The following VPS13D variants were observed in gnomAD, a reference collection of about 807,000 sequenced individuals.
VPS13D encodes the protein intermembrane lipid transfer protein VPS13D.
In VPS13D, 187 loss-of-function variants were observed where a neutral mutation model predicts 461.9. That is an observed-to-expected ratio of 0.40 (90% CI 0.36 to 0.46). VPS13D has a LOEUF of 0.46. Ranked by LOEUF, VPS13D falls within the 20% of genes least tolerant of loss-of-function variation. The pLI, the probability that VPS13D is intolerant of heterozygous loss-of-function variation, is 0.60. For missense variants in VPS13D, 4,711 were observed against 5,364.9 expected, an observed-to-expected ratio of 0.88 and a Z score of 3.81; for synonymous variants, 1,951 against 1,986.3, an observed-to-expected ratio of 0.98 and a Z score of 0.47.
chr1:12,362,896 C>G (rs771987098), intron 51 of VPS13D, 46 bp downstream of exon 51: 71 of 1,611,634 alleles, frequency 4.4e-5, no homozygotes, highest in East Asian at 1.1e-4. Flanking sequence ...TTTAATAGCA[C>G]GAGTTTTAAT....
chr1:12,403,689 C>T, intron 62 of VPS13D, 136 bp from the exon 63 acceptor site: 1 of 770,098 alleles, frequency 1.3e-6, no homozygotes. Flanking sequence ...GTCACTGTAC[C>T]CTCACAAACT....
intron 8 of VPS13D, among the ~76,000 whole-genome samples, 187 bp downstream of exon 8, chr1:12,256,690 G>GTT (rs372902457): frequency 0.039 from 4,794 of 122,920 alleles, 183 homozygotes; most frequent in African/African-American, 0.094. Context: ...TCTCAGGTTA[G>GTT]TTTTTTTTTT....
intron 63 of VPS13D, among the ~76,000 whole-genome samples, chr1:12,404,918 A>G (rs774849894): frequency 5.9e-5 from 9 of 152,166 alleles, no homozygotes; most frequent in Non-Finnish European, 1.0e-4. Context: ...GCACTTAAAG[A>G]TAATACTCAA....
intron 2 of VPS13D, among the ~76,000 whole-genome samples, chr1:12,236,279 T>C (rs1327401781): frequency 6.6e-6 from 1 of 152,134 alleles, no homozygotes; most frequent in East Asian, 1.9e-4. Flanking sequence ...CATGGAATTG[T>C]ACTGAGGGAA....
intron 17 of VPS13D, among the ~76,000 whole-genome samples, chr1:12,271,748 T>C (rs1254074957): frequency 6.6e-6 from 1 of 152,166 alleles, no homozygotes; most frequent in Non-Finnish European, 1.5e-5. Flanking sequence ...TGTGAGAGTT[T>C]CTCTTTTTTG....
intron 65 of VPS13D, among the ~76,000 whole-genome samples, chr1:12,447,938 A>G (rs760478662): frequency 2.0e-5 from 3 of 152,150 alleles, no homozygotes; most frequent in Non-Finnish European, 2.9e-5. Context: ...GGTGATTTCC[A>G]TAGTTTAGGA....
intron 67 of VPS13D, chr1:12,496,956 A>G (rs1645966553): frequency 6.6e-6 from 1 of 152,450 alleles, no homozygotes; most frequent in Non-Finnish European, 1.5e-5. Context: ...TGCCCAAGGA[A>G]CTGACCTCAT....
In VPS13D at chr1:12,471,932, T is replaced by A. The variant is rs188739090; in HGVS notation, c.12662+11536T>A. ...TTTTCTTTAAAAAAGAAAAAAAAAATTTTATGTTCCTATTGCTAATTTATC... is the reference window on the plus strand; with the variant it reads ...TTTTCTTTAAAAAAGAAAAAAAAAAATTTATGTTCCTATTGCTAATTTATC... On this transcript the variant is annotated intron_variant, in intron 67 of 69. Coordinates refer to ENST00000620676, the MANE Select transcript of VPS13D (RefSeq NM_015378.4). Among the ~76,000 whole-genome samples, 26 of 152,068 alleles carry A rather than the reference T, an allele frequency of 1.7e-4. 1 individual carries two copies. Among genetic ancestry groups the A allele is most frequent in the South Asian group, 4.2e-4 (2 of 4,812 alleles).
intron 67 of VPS13D, among the ~76,000 whole-genome samples, chr1:12,489,832 T>C (rs1022233034): frequency 6.6e-6 from 1 of 152,222 alleles, no homozygotes; most frequent in Non-Finnish European, 1.5e-5. Flanking sequence ...TTACCCCCAC[T>C]TTATAGATGA....
At chr1:12,361,399 A>AT (rs1406588951) in intron 50 of VPS13D, among the ~76,000 whole-genome samples, 7,170 of 140,618 alleles carry the variant, frequency 0.051, 624 homozygotes, top group African/African-American at 0.17. Context: ...TTATTTATTT[A>AT]TTTATTTTTT....
rs1643681563 is a variant in VPS13D, at chr1:12,346,589, T to C, written c.9022-16T>C. On this transcript the variant is annotated splice_polypyrimidine_tract_variant and intron_variant, in intron 43 of 69. Coordinates refer to ENST00000620676, the MANE Select transcript of VPS13D (RefSeq NM_015378.4). The stretch of plus-strand genomic sequence containing the variant: ...CTTAAGTCTGTGCTGACTCTAACTT[T>C]TGAAATCTTTTTCAGATTGGCAGCC... 6.2e-7 allele frequency: 1 copy of C among 1,612,646 alleles called. No individual in the cohort carries two copies. Among genetic ancestry groups the C allele is most frequent in the Non-Finnish European group, 8.5e-7 (1 of 1,179,606 alleles).
rs371980171 is a variant in VPS13D, at chr1:12,379,591, G to A, written c.11185G>A (p.Val3729Ile). The stretch of plus-strand genomic sequence containing the variant: ...GACCTGTGGGTTACATGGGTTGGTC[G>A]TCCAGGTCAGTCGTTTTTGATCCCC... ...KLTCGLHGLV[V>I]QAKGGLSGLF... The change falls in exon 57 of 70, where the codon GTC becomes ATC. Residue 3729 changes from valine (V) to isoleucine (I), a missense_variant. Coordinates refer to ENST00000620676, the MANE Select transcript of VPS13D (RefSeq NM_015378.4). The A allele has an allele frequency of 2.1e-5, 34 of 1,611,756 alleles. No homozygotes were observed. The highest frequency in any genetic ancestry group is 2.9e-5 in the Non-Finnish European group (34 of 1,178,978).
intron 42 of VPS13D, among the ~76,000 whole-genome samples, chr1:12,343,453 A>G (rs2101579499): frequency 6.6e-6 from 1 of 152,200 alleles, no homozygotes; most frequent in East Asian, 1.9e-4. Context: ...TACAGGTGTG[A>G]GCCACCACAC....
intron 68 of VPS13D, among the ~76,000 whole-genome samples, chr1:12,503,481 G>T (rs1229026471): frequency 2.6e-5 from 4 of 152,050 alleles, no homozygotes; most frequent in African/African-American, 9.7e-5. Context: ...ACCATGCTCT[G>T]CCCTAAGAGT....
intron 67 of VPS13D, among the ~76,000 whole-genome samples, chr1:12,486,931 G>T (rs963615207): frequency 6.6e-6 from 1 of 152,130 alleles, no homozygotes; most frequent in African/African-American, 2.4e-5. Context: ...AAGAATCCCT[G>T]GTTCCGCATG....
intron 27 of VPS13D, among the ~76,000 whole-genome samples, chr1:12,309,624 T>C (rs1557700420): frequency 6.6e-6 from 1 of 151,558 alleles, no homozygotes; most frequent in Non-Finnish European, 1.5e-5. Flanking sequence ...TAGCCAGGCA[T>C]GGTGGCGTGT....
chr1:12,461,637 A>G (rs1436853045), intron 67 of VPS13D, among the ~76,000 whole-genome samples: 1 of 152,158 alleles, frequency 6.6e-6, no homozygotes, highest in African/African-American at 2.4e-5. Flanking sequence ...CAAGAAGTCC[A>G]CCTCCAGTAT....
intron 52 of VPS13D, among the ~76,000 whole-genome samples, chr1:12,366,035 CTA>C (rs1401510701): frequency 1.3e-5 from 2 of 151,146 alleles, no homozygotes; most frequent in African/African-American, 4.9e-5. Flanking sequence ...GTAGCTAGGA[CTA>C]TAGGCATGCA....
chr1:12,295,232 A>C (rs1322175222), intron 24 of VPS13D, among the ~76,000 whole-genome samples: 1 of 151,598 alleles, frequency 6.6e-6, no homozygotes, highest in Non-Finnish European at 1.5e-5. Context: ...CAAAAAAAAA[A>C]AAAAAAAACA....
Sources: allele counts gnomAD v4.1 joint callset (sites outside exome capture counted in the v4.1 genomes callset), GRCh38; gene constraint gnomAD v4.1.1; transcripts MANE v1.5; gene names NCBI Gene and HGNC (gene_info 2026-07-23, HGNC 2026-07-21).